Variants in NSMCE2 observed in about 807,000 individuals in gnomAD.
NSMCE2 encodes NSE2 SUMO ligase component of SMC5/6 complex.
In NSMCE2, 24 loss-of-function variants were observed where a neutral mutation model predicts 23.8. The observed-to-expected ratio is 1.01, with a 90% confidence interval of 0.73 to 1.42. The LOEUF is 1.42. Ranked by LOEUF, NSMCE2 falls within the 40% of genes most tolerant of loss-of-function variation. The pLI, the probability that NSMCE2 is intolerant of heterozygous loss-of-function variation, is 0.00. For synonymous variants in NSMCE2, 92 were observed against 94.1 expected (o/e 0.98, Z 0.13); for missense variants, 284 against 296.5 (o/e 0.96, Z 0.31).
intron 4 of NSMCE2, among the ~76,000 whole-genome samples, chr8:125,156,787 T>C (rs997112093): frequency 5.9e-5 from 9 of 152,332 alleles, no homozygotes; most frequent in African/African-American, 2.2e-4. Context: ...TCTCTCATTA[T>C]GCAACTAGTT....
intron 5 of NSMCE2, among the ~76,000 whole-genome samples, chr8:125,344,814 A>G: frequency 6.6e-6 from 1 of 152,056 alleles, no homozygotes; most frequent in Admixed American, 6.5e-5. Context: ...CACCTCATGT[A>G]ATGTAAGCAT....
intron 5 of NSMCE2, among the ~76,000 whole-genome samples, chr8:125,321,392 T>C (rs920771238): frequency 6.6e-6 from 1 of 152,228 alleles, no homozygotes; most frequent in Non-Finnish European, 1.5e-5. Flanking sequence ...AATGGAATTA[T>C]ACTGTTTTAA....
At chr8:125,176,293 C>G (rs1176280207) in intron 4 of NSMCE2, among the ~76,000 whole-genome samples, 1 of 152,192 alleles carries the variant, frequency 6.6e-6, no homozygotes, top group African/African-American at 2.4e-5. Flanking sequence ...ACACTTTTCA[C>G]TTCTTATTTA....
intron 4 of NSMCE2, among the ~76,000 whole-genome samples, chr8:125,158,960 A>T (rs1046967015): frequency 1.3e-5 from 2 of 152,218 alleles, no homozygotes; most frequent in South Asian, 2.1e-4. Flanking sequence ...CCACTGTTTC[A>T]GTTATCTGTG....
chr8:125,306,461 A>T (rs1211768258), intron 5 of NSMCE2, among the ~76,000 whole-genome samples: 1 of 151,642 alleles, frequency 6.6e-6, no homozygotes, highest in Admixed American at 6.6e-5. Flanking sequence ...TCTTCTCCCC[A>T]CTTCCTCCCT....
intron 5 of NSMCE2, among the ~76,000 whole-genome samples, chr8:125,307,768 A>G (rs1478750513): frequency 2.8e-4 from 42 of 152,170 alleles, no homozygotes; most frequent in Admixed American, 2.7e-3. Context: ...TCCCTGGAGG[A>G]TGTGTCAGCT....
chr8:125,195,879 CTT>C (rs34687223), intron 5 of NSMCE2, among the ~76,000 whole-genome samples: 141 of 83,634 alleles, frequency 1.7e-3, no homozygotes, highest in East Asian at 7.4e-3. Context: ...TCCTGAATAA[CTT>C]TTTTTTTTTT....
chr8:125,254,026 C>A (rs2131022142), intron 5 of NSMCE2, among the ~76,000 whole-genome samples: 1 of 152,252 alleles, frequency 6.6e-6, no homozygotes, highest in South Asian at 2.1e-4. Flanking sequence ...AAGTGTGTTT[C>A]TAAGGGCTGT....
intron 4 of NSMCE2, among the ~76,000 whole-genome samples, chr8:125,170,975 C>T (rs1181467483): frequency 2.0e-5 from 3 of 152,180 alleles, no homozygotes; most frequent in Non-Finnish European, 2.9e-5. Context: ...CTAAAGCCCT[C>T]CGTCATCTGT....
intron 5 of NSMCE2, among the ~76,000 whole-genome samples, chr8:125,198,896 T>C (rs1023609952): frequency 1.3e-5 from 2 of 152,252 alleles, no homozygotes; most frequent in African/African-American, 2.4e-5. Flanking sequence ...AGATTCCACT[T>C]CTTCCTGGTG....
chr8:125,306,222 C>T (rs1418650856), intron 5 of NSMCE2, among the ~76,000 whole-genome samples: 3 of 151,810 alleles, frequency 2.0e-5, no homozygotes, highest in African/African-American at 7.3e-5. Flanking sequence ...CCCAGCTTCT[C>T]GGGAGGCTGA....
chr8:125,151,682 G>C (rs370933285), intron 4 of NSMCE2, among the ~76,000 whole-genome samples: 3 of 152,132 alleles, frequency 2.0e-5, no homozygotes, highest in African/African-American at 7.2e-5. Context: ...CAAATTCTTA[G>C]AATCAGATAA....
chr8:125,330,620 C>T lies in NSMCE2; in HGVS notation c.419-26599C>T, dbSNP rs145498097. 3.0e-3 allele frequency among the ~76,000 whole-genome samples: 462 copies of T among 152,270 alleles called. 7 individuals are homozygous for T. Among genetic ancestry groups the T allele is most frequent in the African/African-American group, 0.011 (442 of 41,540 alleles). On this transcript the variant is annotated intron_variant, in intron 5 of 7. Transcript: ENST00000287437. ...GCATGGGCCAAAAATAAGCTCGCAC[C>T]TGGGCAACTCCAGATTTCATTCCAT...
chr8:125,297,696 A>G (rs1457340308), intron 5 of NSMCE2, among the ~76,000 whole-genome samples: 1 of 152,136 alleles, frequency 6.6e-6, no homozygotes, highest in South Asian at 2.1e-4. Flanking sequence ...AAAGCCAGGC[A>G]TAATAGCGTG....
chr8:125,283,707 G>A (rs889069756), intron 5 of NSMCE2, among the ~76,000 whole-genome samples: 14 of 152,118 alleles, frequency 9.2e-5, no homozygotes, highest in East Asian at 3.9e-4. Context: ...GTTTGGTAGC[G>A]GGGAGGGCTG....
chr8:125,354,303 T>C (rs1813162736), intron 5 of NSMCE2, among the ~76,000 whole-genome samples: 1 of 152,234 alleles, frequency 6.6e-6, no homozygotes, highest in African/African-American at 2.4e-5. Context: ...AGTAACTGAT[T>C]TAATTTGTAA....
In NSMCE2 at chr8:125,206,930, G is replaced by A. The variant is rs145397883; in HGVS notation, c.418+24674G>A. Among the ~76,000 whole-genome samples the A allele has an allele frequency of 8.3e-3, 1,260 of 152,292 alleles. 21 individuals are homozygous for A. The highest frequency in any genetic ancestry group is 0.029 in the African/African-American group (1,198 of 41,554). On this transcript the variant is annotated intron_variant, in intron 5 of 7. Coordinates refer to ENST00000287437, the MANE Select transcript of NSMCE2 (RefSeq NM_173685.4). ...GGCAGAGCCAGCAAGGAGTGCTGCA[G>A]TGAGGGGAGAAGGACCAAGGGGCTT... is the stretch of plus-strand genomic sequence containing the variant.
At chr8:125,341,517 A>G (rs181755629) in intron 5 of NSMCE2, among the ~76,000 whole-genome samples, 209 of 152,200 alleles carry the variant, frequency 1.4e-3, no homozygotes, top group African/African-American at 4.9e-3. Context: ...TTGCCCTTTC[A>G]GGAACTATTT....
rs1818222541 is a variant in NSMCE2 at position 125,102,150 on chromosome 8, A to G, written c.-15+4A>G. The G allele has an allele frequency of 7.1e-6, 4 of 566,588 alleles. No individual in the cohort carries two copies. Among genetic ancestry groups the G allele is most frequent in the Non-Finnish European group, 1.3e-5 (4 of 317,058 alleles). The allele number at this position is 566,588 out of a possible 1,614,324, so 35.1% of individuals were successfully genotyped here. ...CCAGCTGTGTTTGGTGGCCCAGGTG[A>G]GTGGCACAGTGATTTGGTGTCTTCT... On this transcript the variant is annotated splice_donor_region_variant and intron_variant, in intron 2 of 7. Coordinates refer to ENST00000287437, the MANE Select transcript of NSMCE2 (RefSeq NM_173685.4).
Sources: allele counts gnomAD v4.1 joint callset (sites outside exome capture counted in the v4.1 genomes callset), GRCh38; gene constraint gnomAD v4.1.1; transcripts MANE v1.5; gene names NCBI Gene and HGNC (gene_info 2026-07-23, HGNC 2026-07-21).